Variants in LRBA observed in about 807,000 individuals in gnomAD.
LRBA encodes LPS responsive beige-like anchor protein, also known as lipopolysaccharide-responsive and beige-like anchor protein.
Under a neutral mutation model 330.0 loss-of-function variants are expected in LRBA, and 176 were observed. The observed-to-expected ratio is 0.53, with a 90% CI of 0.47 to 0.60. The LOEUF (loss-of-function observed/expected upper bound fraction) is 0.60, where lower values mean the gene tolerates loss of function less well. Ranked by LOEUF, LRBA falls within the 20% of genes least tolerant of loss-of-function variation. The pLI, the probability that LRBA is intolerant of heterozygous loss-of-function variation, is 0.00. For synonymous variants in LRBA, 1,230 were observed against 1,193.0 expected (o/e 1.03, Z -0.64); for missense variants, 3,259 against 3,444.8 (o/e 0.95, Z 1.35).
At chr4:150,701,259 A>T (rs1382384449) in intron 36 of LRBA, among the ~76,000 whole-genome samples, 1 of 152,156 alleles carries the variant, frequency 6.6e-6, no homozygotes, top group Non-Finnish European at 1.5e-5. Flanking sequence ...CTTCTTCTGG[A>T]ATACCTCTTG....
intron 40 of LRBA, among the ~76,000 whole-genome samples, chr4:150,587,652 A>G (rs1384079670): frequency 6.6e-6 from 1 of 152,200 alleles, no homozygotes; most frequent in Non-Finnish European, 1.5e-5. Flanking sequence ...GGGACAAAGC[A>G]AGGAGAGTGA....
At chr4:150,841,829 T>C (rs953906672) in intron 28 of LRBA, among the ~76,000 whole-genome samples, 7 of 151,908 alleles carry the variant, frequency 4.6e-5, no homozygotes, top group Non-Finnish European at 2.9e-5. Flanking sequence ...ATTCTGCTTT[T>C]GTATTTTTAG....
At chr4:150,607,850 C>T (rs1162658553) in intron 37 of LRBA, among the ~76,000 whole-genome samples, 4 of 152,144 alleles carry the variant, frequency 2.6e-5, no homozygotes, top group Admixed American at 6.5e-5. Flanking sequence ...GCCTGGCCAA[C>T]GTGGTGAAAC....
intron 36 of LRBA, among the ~76,000 whole-genome samples, chr4:150,734,045 C>A (rs1487317030): frequency 1.3e-5 from 2 of 152,102 alleles, no homozygotes; most frequent in Admixed American, 1.3e-4. Context: ...CAGTAGGTAT[C>A]ACTCATTTTT....
chr4:150,933,451 A>G (rs1351194176), intron 2 of LRBA, among the ~76,000 whole-genome samples: 1 of 152,132 alleles, frequency 6.6e-6, no homozygotes, highest in African/African-American at 2.4e-5. Flanking sequence ...AGGCCACTCC[A>G]CATGATATGA....
intron 2 of LRBA, among the ~76,000 whole-genome samples, chr4:150,974,740 A>G (rs970444667): frequency 6.6e-6 from 1 of 152,196 alleles, no homozygotes; most frequent in African/African-American, 2.4e-5. Context: ...AGAGAAGAAA[A>G]GTTCTCTATG....
intron 50 of LRBA, among the ~76,000 whole-genome samples, chr4:150,316,140 A>C (rs2126902491): frequency 6.6e-6 from 1 of 152,298 alleles, no homozygotes; most frequent in East Asian, 1.9e-4. Context: ...AAAATAAAGA[A>C]AGCTATCCGC....
At chr4:150,586,354 C>T (rs1168787849) in intron 40 of LRBA, among the ~76,000 whole-genome samples, 2 of 152,108 alleles carry the variant, frequency 1.3e-5, no homozygotes, top group African/African-American at 4.8e-5. Context: ...ACAAAAATAT[C>T]CCCAATTCAG....
At chr4:150,900,256 G>A (rs377760996) in intron 13 of LRBA, 39 bp from the exon 14 acceptor site, 24 of 1,486,764 alleles carry the variant, frequency 1.6e-5, no homozygotes, top group Non-Finnish European at 2.2e-5. Context: ...AACCCCACCA[G>A]CATTTTATCT....
At chr4:150,930,814 C>CAT in intron 2 of LRBA, among the ~76,000 whole-genome samples, 1 of 152,202 alleles carries the variant, frequency 6.6e-6, no homozygotes, top group Non-Finnish European at 1.5e-5. Flanking sequence ...TGCTTTGTAT[C>CAT]ATCACTACCA....
chr4:150,269,301 T>G (rs923177237), intron 56 of LRBA, among the ~76,000 whole-genome samples: 6 of 152,226 alleles, frequency 3.9e-5, no homozygotes, highest in African/African-American at 1.2e-4. Context: ...CACACTGATA[T>G]AGGCAGACCA....
chr4:150,298,735 T>C (rs371495587), intron 53 of LRBA, among the ~76,000 whole-genome samples: 2 of 151,998 alleles, frequency 1.3e-5, no homozygotes, highest in East Asian at 3.9e-4. Flanking sequence ...TAGATTAGCA[T>C]GTCTGATTGC....
intron 34 of LRBA, among the ~76,000 whole-genome samples, chr4:150,795,701 T>C (rs915146679): frequency 3.9e-5 from 6 of 151,960 alleles, no homozygotes; most frequent in African/African-American, 7.2e-5. Flanking sequence ...TAATCAACTA[T>C]TGGTAAATGA....
intron 37 of LRBA, among the ~76,000 whole-genome samples, chr4:150,661,825 G>A (rs1318366434): frequency 6.6e-6 from 1 of 151,858 alleles, no homozygotes; most frequent in African/African-American, 2.4e-5. Context: ...GTTTCACCAC[G>A]TTGGCCAGGC....
chr4:150,794,431 T>C (rs1740443347), intron 34 of LRBA, among the ~76,000 whole-genome samples: 1 of 151,608 alleles, frequency 6.6e-6, no homozygotes, highest in Non-Finnish European at 1.5e-5. Flanking sequence ...AAACTTGGGA[T>C]TAGAGAAAAG....
At chr4:150,270,385 C>T (rs781330206) in intron 56 of LRBA, among the ~76,000 whole-genome samples, 7 of 152,138 alleles carry the variant, frequency 4.6e-5, no homozygotes, top group Non-Finnish European at 8.8e-5. Flanking sequence ...ATACGTGCTA[C>T]GACATGCAAG....
chr4:150,861,173 C>T (rs546635464), intron 22 of LRBA, among the ~76,000 whole-genome samples: 8 of 152,170 alleles, frequency 5.3e-5, no homozygotes, highest in South Asian at 2.1e-4. Flanking sequence ...TCATAGTTCA[C>T]TGTTACGTTA....
intron 44 of LRBA, among the ~76,000 whole-genome samples, chr4:150,445,377 C>CTCTA (rs1454079183): frequency 5.7e-4 from 45 of 78,626 alleles, no homozygotes; most frequent in South Asian, 3.3e-3. Context: ...CTCTCTCTCT[C>CTCTA]TATATATATA....
chr4:150,551,125 C>G (rs1161189103), intron 40 of LRBA, among the ~76,000 whole-genome samples: 1 of 152,062 alleles, frequency 6.6e-6, no homozygotes, highest in African/African-American at 2.4e-5. Context: ...AGCTTAGACC[C>G]CTCTTGCTCT....
Sources: allele counts gnomAD v4.1 joint callset (sites outside exome capture counted in the v4.1 genomes callset), GRCh38; gene constraint gnomAD v4.1.1; transcripts MANE v1.5; gene names NCBI Gene and HGNC (gene_info 2026-07-23, HGNC 2026-07-21).